Variants in PSMG2 observed in about 807,000 individuals in gnomAD.
The protein encoded by PSMG2 is CD40 ligand-activated specific transcript 3.
A neutral mutation model predicts 31.5 loss-of-function variants in PSMG2; 21 were observed. The observed-to-expected ratio is 0.67, with a 90% CI of 0.47 to 0.96. PSMG2 has a LOEUF of 0.96. PSMG2 is among the 40% of genes least tolerant of loss of function. The pLI is 0.00. For synonymous variants in PSMG2, 120 were observed against 110.4 expected (o/e 1.09, Z -0.54); for missense variants, 318 against 321.2 (o/e 0.99, Z 0.08).
At position 12,716,550 on chromosome 18, in the gene PSMG2, C is replaced by T. The variant is rs12955176; in HGVS notation, c.289-1967C>T. Among the ~76,000 whole-genome samples the T allele has an allele frequency of 7.9e-5, 12 of 151,846 alleles. 1 individual carries two copies. The highest frequency in any genetic ancestry group is 6.2e-4 in the South Asian group (3 of 4,804). On this transcript the variant is annotated intron_variant, in intron 3 of 6. Transcript: ENST00000317615. ...CTGGGACTACAGGCGCCCACCATCA[C>T]GCCCGGCTAATTTTTTTGTATTTTT...
At chr18:12,716,283 A>G (rs1409674505) in intron 3 of PSMG2, among the ~76,000 whole-genome samples, 2 of 151,994 alleles carry the variant, frequency 1.3e-5, no homozygotes, top group Admixed American at 1.3e-4. Context: ...AGTTGGTAAC[A>G]TTTTTACATT....
chr18:12,687,332 G>GA (rs975951123), intron 1 of PSMG2, among the ~76,000 whole-genome samples: 5 of 149,016 alleles, frequency 3.4e-5, no homozygotes, highest in South Asian at 2.1e-4. Flanking sequence ...CTTTAGCAAG[G>GA]AAAAAAAAAC....
intron 1 of PSMG2, among the ~76,000 whole-genome samples, chr18:12,663,664 TGTG>T (rs2038744209): frequency 6.6e-6 from 1 of 152,244 alleles, no homozygotes; most frequent in Non-Finnish European, 1.5e-5. Context: ...ACCAGAGTTT[TGTG>T]TTGTGTAAAT....
At chr18:12,718,737 T>C (rs1308689459) in intron 4 of PSMG2, 102 bp downstream of exon 4, 1 of 760,848 alleles carries the variant, frequency 1.3e-6, no homozygotes, top group Non-Finnish European at 2.0e-6. Context: ...TCCTTACCTC[T>C]TCTTACTGGA....
At chr18:12,694,774 C>T (rs1185938013) in intron 1 of PSMG2, among the ~76,000 whole-genome samples, 5 of 150,442 alleles carry the variant, frequency 3.3e-5, no homozygotes, top group Admixed American at 1.3e-4. Context: ...TGCACTGGTG[C>T]GATCTGGGCT....
chr18:12,681,401 G>C (rs2039345325), intron 1 of PSMG2, among the ~76,000 whole-genome samples: 1 of 151,348 alleles, frequency 6.6e-6, no homozygotes, highest in Non-Finnish European at 1.5e-5. Flanking sequence ...TGTGCACCAT[G>C]ACACCTAGCT....
rs193119306 is a variant in PSMG2, at chr18:12,703,043, C to T, written c.-65C>T. The T allele has an allele frequency of 5.3e-5, 83 of 1,566,778 alleles. 1 individual carries two copies. The Middle Eastern group carries it at 6.7e-4, about 13-fold the overall frequency. On this transcript the variant is annotated 5_prime_UTR_variant, in exon 1 of 7. Coordinates refer to ENST00000317615, the MANE Select transcript of PSMG2 (RefSeq NM_020232.5). ...GAGGCTCCGGGGTCTCGGGCTTCCGCCTTCTTGCTGCCCTCGTTCTTGCCA... is the reference window on the plus strand; with the variant it reads ...GAGGCTCCGGGGTCTCGGGCTTCCGTCTTCTTGCTGCCCTCGTTCTTGCCA...
upstream of PSMG2, chr18:12,698,762 T>C (rs375399924): frequency 9.1e-6 from 5 of 552,416 alleles, no homozygotes; most frequent in East Asian, 5.9e-5. Flanking sequence ...GAATCAACAA[T>C]GAAAACAGTC....
At position 12,664,106 on chromosome 18, in the gene PSMG2, G is replaced by A. The variant is rs573465643; in HGVS notation, c.-37+5333G>A. 1.1e-3 allele frequency among the ~76,000 whole-genome samples: 172 copies of A among 152,190 alleles called. 1 individual carries two copies. Among genetic ancestry groups the A allele is most frequent in the East Asian group, 7.0e-3 (36 of 5,176 alleles). ...TTGAACCCGGAGGGGCGGTGGTTGC[G>A]GTGAGCCGAGATCGTGCCATTGCAC... On this transcript the variant is annotated intron_variant, in intron 1 of 6. Coordinates refer to the PSMG2 transcript ENST00000585331.
chr18:12,697,396 C>A, intron 1 of PSMG2: 1 of 1,607,366 alleles, frequency 6.2e-7, no homozygotes, highest in Non-Finnish European at 8.5e-7. Context: ...ATCAGCCATT[C>A]TAGTTCCATC....
intron 2 of PSMG2, among the ~76,000 whole-genome samples, chr18:12,707,646 AAGAG>A (rs1328592225): frequency 6.6e-6 from 1 of 152,196 alleles, no homozygotes; most frequent in Non-Finnish European, 1.5e-5. Context: ...CCAGGTGAGT[AAGAG>A]AAGAGCTCCT....
At chr18:12,704,873 A>G (rs185041120) in intron 1 of PSMG2, among the ~76,000 whole-genome samples, 38 of 152,310 alleles carry the variant, frequency 2.5e-4, no homozygotes, top group Admixed American at 7.8e-4. Flanking sequence ...GGTAGGTGAC[A>G]ACAGTGAAAA....
intron 3 of PSMG2, among the ~76,000 whole-genome samples, chr18:12,716,685 T>A (rs920241770): frequency 6.6e-6 from 1 of 152,166 alleles, no homozygotes; most frequent in Non-Finnish European, 1.5e-5. Context: ...TGAGCCACCG[T>A]GCCTGGCCAC....
intron 1 of PSMG2, among the ~76,000 whole-genome samples, chr18:12,673,753 C>A (rs1367821673): frequency 6.6e-6 from 1 of 151,962 alleles, no homozygotes; most frequent in Non-Finnish European, 1.5e-5. Context: ...TGGTGGCGGG[C>A]GTCTGTAATC....
chr18:12,722,549 A>G (rs1226984991), intron 5 of PSMG2, among the ~76,000 whole-genome samples: 2 of 152,210 alleles, frequency 1.3e-5, no homozygotes. Flanking sequence ...GGCAAAGAAC[A>G]GCTTCTGGTT....
At chr18:12,713,391 G>C (rs1463508620) in intron 3 of PSMG2, among the ~76,000 whole-genome samples, 1 of 152,154 alleles carries the variant, frequency 6.6e-6, no homozygotes, top group African/African-American at 2.4e-5. Context: ...CTCCCAAGGA[G>C]ACAGGAGTCG....
At chr18:12,699,219 A>C, upstream of PSMG2, 1 of 1,538,676 alleles carries the variant, frequency 6.5e-7, no homozygotes, top group Non-Finnish European at 8.9e-7. Flanking sequence ...AAGTGTAGCA[A>C]TATATATGAG....
chr18:12,724,362 A>G (rs2040455969), intron 5 of PSMG2, 137 bp from the exon 6 acceptor site: 1 of 841,704 alleles, frequency 1.2e-6, no homozygotes, highest in Non-Finnish European at 1.7e-6. Context: ...GCGAAGGGAG[A>G]TGATAAGTGA....
In PSMG2 at chr18:12,723,393, GAT is replaced by G. The variant is rs572149585; in HGVS notation, c.582-1102_582-1101del. On this transcript the variant is annotated intron_variant, in intron 5 of 6. Coordinates refer to ENST00000317615, the MANE Select transcript of PSMG2 (RefSeq NM_020232.5). ...TTTTGGAGTTAGAGAGACCTAACTA[GAT>G]ATAGTTAGATATAGAGACCTTACTA... is the stretch of plus-strand genomic sequence containing the variant. 9.8e-4 allele frequency among the ~76,000 whole-genome samples: 142 copies of G among 145,280 alleles called. 5 individuals are homozygous for G. The South Asian group carries it at 0.029, about 30-fold the overall frequency.
Sources: gnomAD v4.1 joint callset for allele counts (sites outside exome capture counted in the v4.1 genomes callset) on GRCh38, gnomAD v4.1.1 for gene constraint, MANE v1.5 for transcripts, NCBI Gene and HGNC (gene_info 2026-07-23, HGNC 2026-07-21) for gene names.